The following SCFD2 variants were observed in gnomAD, a reference collection of about 807,000 sequenced individuals.
SCFD2 encodes the protein sec1 family domain-containing protein 2.
A neutral mutation model predicts 58.9 loss-of-function variants in SCFD2; 54 were observed. The observed-to-expected ratio is 0.92, with a 90% CI of 0.74 to 1.15. The LOEUF (loss-of-function observed/expected upper bound fraction) is 1.15, where lower values mean the gene tolerates loss of function less well. SCFD2 is among the 50% of genes most tolerant of loss of function. SCFD2 has a pLI of 0.00. For missense variants in SCFD2, 805 were observed against 836.6 expected (o/e 0.96, Z 0.47); for synonymous variants, 321 against 335.9 (o/e 0.96, Z 0.49).
chr4:53,130,552 A>C (rs988545256), intron 5 of SCFD2, among the ~76,000 whole-genome samples: 3 of 152,110 alleles, frequency 2.0e-5, no homozygotes, highest in Non-Finnish European at 2.9e-5. Flanking sequence ...TACCCCACTG[A>C]CCATTTCTTC....
intron 5 of SCFD2, chr4:52,950,654 T>G (rs541398983): frequency 1.3e-5 from 2 of 152,352 alleles, no homozygotes; most frequent in South Asian, 4.2e-4. Flanking sequence ...CAGAATGGAC[T>G]CTCAAGGTGC....
At chr4:53,137,417 G>C (rs191314286) in intron 5 of SCFD2, among the ~76,000 whole-genome samples, 2 of 152,346 alleles carry the variant, frequency 1.3e-5, no homozygotes, top group East Asian at 3.9e-4. Context: ...CATGAATTCT[G>C]TCTGGACTTC....
chr4:52,927,567 A>G (rs1305142486), intron 5 of SCFD2, among the ~76,000 whole-genome samples: 7 of 152,184 alleles, frequency 4.6e-5, no homozygotes, highest in African/African-American at 1.7e-4. Context: ...AAAACATCCA[A>G]TTTGGTTTTC....
chr4:53,023,268 G>C (rs1213910553), intron 5 of SCFD2, among the ~76,000 whole-genome samples: 1 of 152,120 alleles, frequency 6.6e-6, no homozygotes, highest in Non-Finnish European at 1.5e-5. Flanking sequence ...GCTAAGATGA[G>C]GAGTTGACAT....
chr4:53,064,384 G>A (rs556310448), intron 5 of SCFD2, among the ~76,000 whole-genome samples: 2 of 151,936 alleles, frequency 1.3e-5, no homozygotes, highest in South Asian at 4.2e-4. Flanking sequence ...TTAAAGAAAT[G>A]TCTAACAATA....
chr4:52,955,894 AG>A (rs1251075894), intron 5 of SCFD2: 3 of 357,032 alleles, frequency 8.4e-6, no homozygotes, highest in African/African-American at 6.4e-5. Flanking sequence ...ATTGAAGGAA[AG>A]GCAGCTACTT....
intron 1 of SCFD2, among the ~76,000 whole-genome samples, chr4:53,355,639 T>A (rs1277462935): frequency 6.6e-6 from 1 of 152,208 alleles, no homozygotes; most frequent in East Asian, 1.9e-4. Flanking sequence ...TCCAACTGAT[T>A]CCCATTATAC....
At chr4:53,046,495 G>A (rs1723042818) in intron 5 of SCFD2, among the ~76,000 whole-genome samples, 1 of 151,910 alleles carries the variant, frequency 6.6e-6, no homozygotes, top group Admixed American at 6.6e-5. Flanking sequence ...AATTACAGGT[G>A]TGAGCCACTG....
At chr4:52,977,020 G>C (rs758066630) in intron 5 of SCFD2, among the ~76,000 whole-genome samples, 1 of 152,180 alleles carries the variant, frequency 6.6e-6, no homozygotes, top group African/African-American at 2.4e-5. Context: ...TGTCAGCATG[G>C]AGCCTGACAC....
At position 53,157,577 on chromosome 4, in the gene SCFD2, A is replaced by T. The variant is rs536477362; in HGVS notation, c.1312-11995T>A. ...GCTGTTTTCTATTCAGCAAAACATT[A>T]AAAATATTTTCAAAAATATAAACAA... is the stretch of plus-strand genomic sequence containing the variant. On this transcript the variant is annotated intron_variant, in intron 4 of 8. Transcript: ENST00000401642. Among the ~76,000 whole-genome samples the T allele has an allele frequency of 2.6e-4, 39 of 152,180 alleles. No individual in the cohort carries two copies. In the South Asian group the frequency reaches 7.9e-3, roughly 31 times the overall value.
At chr4:52,987,593 G>A (rs1721525305) in intron 5 of SCFD2, among the ~76,000 whole-genome samples, 1 of 152,144 alleles carries the variant, frequency 6.6e-6, no homozygotes, top group African/African-American at 2.4e-5. Context: ...CCAAAGAAAG[G>A]GGAGAGTAGA....
chr4:52,965,643 A>G (rs1401801897), intron 5 of SCFD2, among the ~76,000 whole-genome samples: 1 of 152,106 alleles, frequency 6.6e-6, no homozygotes, highest in Non-Finnish European at 1.5e-5. Flanking sequence ...CTGATGTTCC[A>G]TGCCTCCTCT....
At chr4:52,877,719 C>T (rs1336038529) in intron 8 of SCFD2, among the ~76,000 whole-genome samples, 1 of 152,246 alleles carries the variant, frequency 6.6e-6, no homozygotes, top group African/African-American at 2.4e-5. Flanking sequence ...CCACCCAGCT[C>T]ACAGTAGTTA....
chr4:53,193,349 C>T (rs1392503473), intron 4 of SCFD2, among the ~76,000 whole-genome samples: 1 of 152,186 alleles, frequency 6.6e-6, no homozygotes, highest in Non-Finnish European at 1.5e-5. Flanking sequence ...CTGTGATTAT[C>T]TGTTTCAAAG....
intron 5 of SCFD2, among the ~76,000 whole-genome samples, chr4:53,030,898 C>T (rs1013137611): frequency 2.6e-5 from 4 of 152,200 alleles, no homozygotes; most frequent in Non-Finnish European, 5.9e-5. Context: ...ATTCACCTGG[C>T]TAATGAATAA....
intron 4 of SCFD2, among the ~76,000 whole-genome samples, chr4:53,238,284 G>A (rs1192394676): frequency 7.7e-4 from 23 of 29,838 alleles, no homozygotes; most frequent in Non-Finnish European, 1.4e-3. Context: ...CCTCCTGGAC[G>A]GGGCAGCTGG....
At chr4:52,970,110 T>C (rs999959578) in intron 5 of SCFD2, among the ~76,000 whole-genome samples, 1 of 152,124 alleles carries the variant, frequency 6.6e-6, no homozygotes, top group African/African-American at 2.4e-5. Context: ...AGACAGGTGA[T>C]TTCTTCATTT....
In SCFD2 at chr4:52,939,811, G is replaced by A. The variant is rs547600137; in HGVS notation, c.1562-18941C>T. On this transcript the variant is annotated intron_variant, in intron 5 of 8. Transcript: ENST00000401642. ...GGCCAAATAAAGAAGCACCATGAACGTCATCATCTCTTCCTGTCCAGATTT... is the reference window on the plus strand; with the variant it reads ...GGCCAAATAAAGAAGCACCATGAACATCATCATCTCTTCCTGTCCAGATTT... Among the ~76,000 whole-genome samples the A allele has an allele frequency of 8.5e-5, 13 of 152,204 alleles. No individual in the cohort carries two copies. The South Asian group carries it at 2.5e-3, about 29-fold the overall frequency.
intron 4 of SCFD2, among the ~76,000 whole-genome samples, chr4:53,189,399 C>G (rs966388865): frequency 1.6e-4 from 25 of 152,040 alleles, no homozygotes; most frequent in African/African-American, 5.1e-4. Flanking sequence ...GATGGTTGTC[C>G]CTTCCCTCCC....
Sources: allele counts gnomAD v4.1 joint callset (sites outside exome capture counted in the v4.1 genomes callset), GRCh38; gene constraint gnomAD v4.1.1; transcripts MANE v1.5; gene names NCBI Gene and HGNC (gene_info 2026-07-23, HGNC 2026-07-21).